Variants in MYOF observed in about 807,000 individuals in gnomAD.
The protein encoded by MYOF is myoferlin.
MYOF carries 244 observed loss-of-function variants against 284.2 expected under a neutral mutation model. The ratio of observed to expected loss-of-function variants is 0.86; its 90% CI spans 0.77 to 0.95. The LOEUF is 0.95. Ranked by LOEUF, MYOF falls within the 40% of genes least tolerant of loss-of-function variation. The pLI is 0.00. For synonymous variants in MYOF, 904 were observed against 919.7 expected, an observed-to-expected ratio of 0.98 and a Z score of 0.31; for missense variants, 2,496 against 2,560.6, an observed-to-expected ratio of 0.97 and a Z score of 0.54.
chr10:93,476,619 CAT>C (rs578012435), intron 1 of MYOF, among the ~76,000 whole-genome samples: 19 of 152,032 alleles, frequency 1.2e-4, no homozygotes, highest in East Asian at 5.8e-4. Context: ...TAAAAATACA[CAT>C]GTGTCTATTG....
chr10:93,396,024 C>A (rs1846988274), intron 16 of MYOF, 118 bp downstream of exon 16: 2 of 651,956 alleles, frequency 3.1e-6, no homozygotes, highest in African/African-American at 1.9e-5. Context: ...CTAGGTTCAT[C>A]ACATTTGGCT....
intron 36 of MYOF, among the ~76,000 whole-genome samples, chr10:93,348,117 G>A (rs1231275703): frequency 6.6e-6 from 1 of 152,122 alleles, no homozygotes; most frequent in Non-Finnish European, 1.5e-5. Flanking sequence ...CTGTAAGTGT[G>A]GAATCACTGA....
At chr10:93,449,106 T>C (rs940359454) in intron 3 of MYOF, among the ~76,000 whole-genome samples, 1 of 152,200 alleles carries the variant, frequency 6.6e-6, no homozygotes, top group African/African-American at 2.4e-5. Context: ...TACAGAGCAC[T>C]TGAAATGTGG....
intron 43 of MYOF, 63 bp downstream of exon 43, chr10:93,333,156 TAG>T (rs1843413197): frequency 6.1e-6 from 8 of 1,320,278 alleles, no homozygotes; most frequent in African/African-American, 1.4e-5. Context: ...GGACACATAT[TAG>T]AGTCTTCATG....
At chr10:93,481,365 A>G (rs934322717) in intron 1 of MYOF, among the ~76,000 whole-genome samples, 1 of 152,180 alleles carries the variant, frequency 6.6e-6, no homozygotes, top group Non-Finnish European at 1.5e-5. Flanking sequence ...TGCTCAGCCA[A>G]CCATGAGGTT....
At chr10:93,333,453 G>C (rs1326602602) in intron 42 of MYOF, 141 bp from the exon 43 acceptor site, 1 of 812,458 alleles carries the variant, frequency 1.2e-6, no homozygotes, top group Non-Finnish European at 2.1e-6. Flanking sequence ...CCTAAGACAA[G>C]GGAGCAATGC....
At chr10:93,396,251 TA>T in intron 15 of MYOF, 27 bp from the exon 16 acceptor site, 3 of 1,497,290 alleles carry the variant, frequency 2.0e-6, no homozygotes, top group South Asian at 1.3e-5. Context: ...AATAAAAAAA[TA>T]AAAAATAAAA....
At chr10:93,381,527 G>A (rs1846112253) in intron 19 of MYOF, 131 bp from the exon 20 acceptor site, 15 of 925,530 alleles carry the variant, frequency 1.6e-5, no homozygotes, top group Non-Finnish European at 2.4e-5. Context: ...AATGTTCTTG[G>A]ACCCAGCTGT....
intron 48 of MYOF, 147 bp downstream of exon 48, chr10:93,322,931 G>T: frequency 1.3e-6 from 1 of 755,998 alleles, no homozygotes; most frequent in East Asian, 2.5e-5. Context: ...TTGCTTTCCA[G>T]GAGCTACCTA....
chr10:93,323,580 G>GTGTGCATAT, intron 46 of MYOF: 3 of 559,154 alleles, frequency 5.4e-6, no homozygotes, highest in South Asian at 2.4e-5. Context: ...AGGGGTCTCT[G>GTGTGCATAT]ACGGCTGCAC....
intron 50 of MYOF, 141 bp downstream of exon 50, chr10:93,316,573 C>T: frequency 2.8e-6 from 2 of 711,396 alleles, no homozygotes; most frequent in Non-Finnish European, 4.8e-6. Context: ...CACACAAGCA[C>T]TGGGTGTATC....
chr10:93,378,118 G>A (rs376355763), intron 21 of MYOF, among the ~76,000 whole-genome samples: 19 of 152,280 alleles, frequency 1.2e-4, no homozygotes, highest in African/African-American at 3.1e-4. Flanking sequence ...AGCGATTTAC[G>A]GACTGGGGCA....
At chr10:93,432,972 A>C (rs1287075374) in intron 3 of MYOF, among the ~76,000 whole-genome samples, 1 of 152,182 alleles carries the variant, frequency 6.6e-6, no homozygotes, top group Non-Finnish European at 1.5e-5. Context: ...CACATTAGCC[A>C]GTCTATATAA....
intron 27 of MYOF, among the ~76,000 whole-genome samples, chr10:93,362,146 C>T (rs1020898051): frequency 6.6e-6 from 1 of 152,148 alleles, no homozygotes; most frequent in Non-Finnish European, 1.5e-5. Flanking sequence ...GACAGGGTTT[C>T]ACCATGTTAG....
Position 93,337,873 on chromosome 10 carries a change from G to A in MYOF, c.4379C>T (p.Ser1460Phe), listed in dbSNP as rs1174001879. The change falls in exon 40 of 54, where the codon TCC (serine) becomes TTC (phenylalanine). Residue 1460 changes from serine (S) to phenylalanine (F), a missense_variant. Physicochemically the swap from Ser to Phe is radical, Grantham distance 155. Around this residue, in one of 3 missense-constraint regions of MYOF, gnomAD observed 2,436 missense variants for 2,480.7 expected, o/e 0.98. Coordinates refer to ENST00000359263, the MANE Select transcript of MYOF (RefSeq NM_013451.4). Reference sequence around the variant, plus strand: ...TCCGCATTTTTCATGTTCCCCTGAGGAAGCATAAAATTTACTCCACCAGTC... The same window carrying A: ...TCCGCATTTTTCATGTTCCCCTGAGAAAGCATAAAATTTACTCCACCAGTC... Reference protein sequence around the residue: ...IVDWWSKFYASSGEHEKCGQY... With the variant: ...IVDWWSKFYAFSGEHEKCGQY... 1.9e-6 allele frequency: 3 copies of A among 1,613,902 alleles called. No individual in the cohort carries two copies. The highest frequency in any genetic ancestry group is 2.5e-6 in the Non-Finnish European group (3 of 1,180,022).
At chr10:93,461,132 A>G (rs2056871659) in intron 1 of MYOF, among the ~76,000 whole-genome samples, 1 of 151,928 alleles carries the variant, frequency 6.6e-6, no homozygotes. Context: ...AAGCTCCACC[A>G]GGCTTTTGCC....
intron 3 of MYOF, among the ~76,000 whole-genome samples, chr10:93,445,673 C>A (rs2056409411): frequency 6.6e-6 from 1 of 152,214 alleles, no homozygotes. Flanking sequence ...CTGGGACTGC[C>A]TGGGTCTAGC....
intron 1 of MYOF, among the ~76,000 whole-genome samples, chr10:93,472,315 G>C (rs2057165873): frequency 6.6e-6 from 1 of 152,214 alleles, no homozygotes; most frequent in African/African-American, 2.4e-5. Flanking sequence ...TGCAGTGCTG[G>C]TGGGAATGCA....
intron 19 of MYOF, among the ~76,000 whole-genome samples, chr10:93,386,096 T>C (rs1235379122): frequency 6.6e-6 from 1 of 152,196 alleles, no homozygotes; most frequent in African/African-American, 2.4e-5. Context: ...TGGTTGAGTG[T>C]CCATGGTGGC....
Sources: gnomAD v4.1 joint callset for allele counts (sites outside exome capture counted in the v4.1 genomes callset) on GRCh38, gnomAD v4.1.1 for gene constraint, gnomAD v4.1.1 regional missense constraint, MANE v1.5 for transcripts, NCBI Gene and HGNC (gene_info 2026-07-23, HGNC 2026-07-21) for gene names.